NPIPB8: variants seen among roughly 807,000 people sequenced by gnomAD.
NPIPB8 encodes the protein nuclear pore complex interacting protein family member B8.
NPIPB8 carries 3 observed loss-of-function variants against 5.3 expected under a neutral mutation model. That is an observed-to-expected ratio of 0.57 (90% CI 0.26 to 1.47). NPIPB8 has a LOEUF of 1.47. NPIPB8 is among the 40% of genes most tolerant of loss of function. The probability of loss-of-function intolerance (pLI) is 0.13; values close to 1 mark genes in which losing one functional copy is unlikely to be tolerated. For synonymous variants in NPIPB8, 18 were observed against 23.0 expected, an observed-to-expected ratio of 0.78 and a Z score of 0.62; for missense variants, 50 against 50.2, an observed-to-expected ratio of 1.00 and a Z score of 0.01.
rs3987713 is a variant in NPIPB8, at chr16:28,642,415, C to A, written c.120+3935C>A. Among the ~76,000 whole-genome samples the A allele has an allele frequency of 2.7e-5, 4 of 150,640 alleles. No homozygotes were observed. In the South Asian group the frequency reaches 6.3e-4, roughly 24 times the overall value. On this transcript the variant is annotated intron_variant, in intron 2 of 7. Transcript: ENST00000683297. ...CACCATGCCCAGCCAAATCTAGGGC[C>A]GGAACATGGCTGCAGCATATAAAAA...
At chr16:28,640,743 G>C (rs2047882248) in intron 2 of NPIPB8, among the ~76,000 whole-genome samples, 1 of 152,152 alleles carries the variant, frequency 6.6e-6, no homozygotes, top group Non-Finnish European at 1.5e-5. Flanking sequence ...TCACCAGCAT[G>C]ATTAAACGGA....
intron 2 of NPIPB8, among the ~76,000 whole-genome samples, chr16:28,638,742 G>T (rs1310819592): frequency 6.6e-6 from 1 of 150,414 alleles, no homozygotes. Flanking sequence ...CCAGACAAGT[G>T]CCCAACGACA....
At chr16:28,642,942 C>T (rs1018899283) in intron 2 of NPIPB8, among the ~76,000 whole-genome samples, 3 of 152,136 alleles carry the variant, frequency 2.0e-5, no homozygotes, top group African/African-American at 7.2e-5. Context: ...TTTCAGCTGC[C>T]AGAGGCCTGA....
intron 2 of NPIPB8, among the ~76,000 whole-genome samples, chr16:28,647,751 C>G (rs2048009789): frequency 2.9e-5 from 1 of 34,466 alleles, no homozygotes; most frequent in Non-Finnish European, 4.6e-5. Context: ...CTGAGTGGAG[C>G]GGAACTCTGT....
chr16:28,638,972 G>A (rs1242988648), intron 2 of NPIPB8, among the ~76,000 whole-genome samples: 1 of 150,074 alleles, frequency 6.7e-6, no homozygotes, highest in Non-Finnish European at 1.5e-5. Flanking sequence ...AGGAGGCTGA[G>A]ACAGGAGAAT....
intron 2 of NPIPB8, among the ~76,000 whole-genome samples, chr16:28,640,687 T>G (rs1207928401): frequency 1.3e-5 from 2 of 152,252 alleles, no homozygotes; most frequent in Non-Finnish European, 2.9e-5. Flanking sequence ...GCAGATTTGC[T>G]TTATCTTCAG....
Position 28,638,375 on chromosome 16 carries a change from T to C in NPIPB8, c.15T>C (p.Ser5=). MVKL[S]IVLTPQFLSH... ...TCATTCTGCAAATGGTGAAGCTCTC[T>C]ATTGTCCTGACCCCACAGTTCCTGT... Residue 5 remains serine, a synonymous_variant, in exon 2 of 8, where the codon TCT becomes TCC. Transcript: ENST00000683297. 6.4e-7 allele frequency: 1 copy of C among 1,567,820 alleles called. No homozygotes were observed. Among genetic ancestry groups the C allele is most frequent in the East Asian group, 2.3e-5 (1 of 44,138 alleles).
At chr16:28,642,909 G>T (rs1454785376) in intron 2 of NPIPB8, among the ~76,000 whole-genome samples, 1 of 152,178 alleles carries the variant, frequency 6.6e-6, no homozygotes, top group Non-Finnish European at 1.5e-5. Flanking sequence ...ATAGTAAATG[G>T]TAAAGGGATT....
rs2048062919 is a variant in NPIPB8 at position 28,652,707 on chromosome 16, T to C, written c.599+343T>C. ...CTCACTGCCTTTTGGCTTCAAGCAA[T>C]TCTCCTGTCTCAGCCTCCCAAGTAG... is the stretch of plus-strand genomic sequence containing the variant. On this transcript the variant is annotated intron_variant, in intron 5 of 7. Transcript: ENST00000683297. 6.3e-5 allele frequency among the ~76,000 whole-genome samples: 8 copies of C among 127,094 alleles called. No individual in the cohort carries two copies. In the South Asian group the frequency reaches 1.8e-3, roughly 29 times the overall value. The allele number at this position is 127,094 out of a possible 152,430, so 83.4% of individuals were successfully genotyped here.
intron 2 of NPIPB8, among the ~76,000 whole-genome samples, chr16:28,638,929 C>G (rs2047841357): frequency 2.0e-5 from 3 of 149,580 alleles, no homozygotes; most frequent in Admixed American, 2.0e-4. Flanking sequence ...ATTAGCCGGG[C>G]ATGGTGGTGT....
chr16:28,639,510 G>A (rs1303438736), intron 2 of NPIPB8, among the ~76,000 whole-genome samples: 1 of 128,774 alleles, frequency 7.8e-6, no homozygotes, highest in Non-Finnish European at 1.6e-5. Flanking sequence ...AGGCTGGAGT[G>A]CAATGGCACA....
chr16:28,642,955 G>C (rs1233525622), intron 2 of NPIPB8, among the ~76,000 whole-genome samples: 1 of 152,234 alleles, frequency 6.6e-6, no homozygotes, highest in Admixed American at 6.5e-5. Flanking sequence ...AGGCCTGAGA[G>C]AGTTTGGGCA....
chr16:28,642,613 T>C (rs989305191), intron 2 of NPIPB8, among the ~76,000 whole-genome samples: 2 of 151,018 alleles, frequency 1.3e-5, no homozygotes, highest in African/African-American at 2.4e-5. Flanking sequence ...GCCTCCCAAG[T>C]AGGTGGGACT....
At chr16:28,639,729 A>G (rs1221260082) in intron 2 of NPIPB8, among the ~76,000 whole-genome samples, 1 of 149,500 alleles carries the variant, frequency 6.7e-6, no homozygotes, top group East Asian at 1.9e-4. Context: ...CTGGGACTAT[A>G]GGTGTGAGCC....
chr16:28,638,781 A>G (rs1654879261), intron 2 of NPIPB8, among the ~76,000 whole-genome samples: 1 of 150,202 alleles, frequency 6.7e-6, no homozygotes, highest in African/African-American at 2.5e-5. Context: ...TATCTTGCCA[A>G]GTTTAGGCTG....
chr16:28,637,952 C>G (rs1312987548), upstream of NPIPB8: 1 of 707,478 alleles, frequency 1.4e-6, no homozygotes, highest in East Asian at 8.5e-5. Context: ...GCTTTTTAGA[C>G]TTAACATTTT....
intron 2 of NPIPB8, among the ~76,000 whole-genome samples, chr16:28,642,980 G>C (rs556522312): frequency 3.3e-5 from 5 of 152,162 alleles, no homozygotes; most frequent in Non-Finnish European, 5.9e-5. Flanking sequence ...CTGTGTGATC[G>C]GGCGGAAGGC....
At chr16:28,653,185 C>G (rs2048073825) in intron 5 of NPIPB8, among the ~76,000 whole-genome samples, 1 of 106,388 alleles carries the variant, frequency 9.4e-6, no homozygotes, top group Admixed American at 9.8e-5. Context: ...TGATTCTTAT[C>G]CCTCAGCCTC....
At chr16:28,644,546 A>G (rs1262579585) in intron 2 of NPIPB8, 3 of 1,313,698 alleles carry the variant, frequency 2.3e-6, no homozygotes, top group Non-Finnish European at 3.0e-6. Context: ...AGCCACCTCC[A>G]CCTCTGTCCT....
Sources: gnomAD v4.1 joint callset for allele counts (sites outside exome capture counted in the v4.1 genomes callset) on GRCh38, gnomAD v4.1.1 for gene constraint, MANE v1.5 for transcripts, NCBI Gene and HGNC (gene_info 2026-07-23, HGNC 2026-07-21) for gene names.